The following CILK1 variants were observed in gnomAD, a reference collection of about 807,000 sequenced individuals.
CILK1 encodes the protein serine/threonine-protein kinase ICK.
In CILK1, 47 loss-of-function variants were observed where a neutral mutation model predicts 79.2. That is an observed-to-expected ratio of 0.59 (90% CI 0.47 to 0.76). The LOEUF (loss-of-function observed/expected upper bound fraction) is 0.76, where lower values mean the gene tolerates loss of function less well. Among genes scored for constraint, CILK1 ranks in the 30% least tolerant of loss-of-function variants. CILK1 has a pLI of 0.00. For missense variants in CILK1, 660 were observed against 769.5 expected (o/e 0.86, Z 1.68); for synonymous variants, 266 against 275.9 (o/e 0.96, Z 0.36).
chr6:53,041,381 T>C lies in CILK1; in HGVS notation c.-145A>G. 6.0e-6 allele frequency: 4 copies of C among 662,734 alleles called. No homozygotes were observed. The South Asian group carries it at 6.3e-5, about 10-fold the overall frequency. 41.1% of individuals were successfully genotyped at this position (662,734 alleles called of 1,614,324 possible). ...CAATAGGACGTGACTGTCTCCCAAA[T>C]ACATATTTCCAAAAATCAGTCTTCT... On this transcript the variant is annotated 5_prime_UTR_variant, in exon 2 of 14. Transcript: ENST00000676107.
intron 3 of CILK1, among the ~76,000 whole-genome samples, chr6:53,035,498 T>C (rs1431904826): frequency 1.3e-5 from 2 of 152,144 alleles, no homozygotes. Context: ...TGTAAGACTA[T>C]GCTTCTAAGA....
chr6:53,014,278 T>C (rs928200354), intron 8 of CILK1, among the ~76,000 whole-genome samples: 1 of 152,206 alleles, frequency 6.6e-6, no homozygotes, highest in African/African-American at 2.4e-5. Flanking sequence ...TGTAACTTAT[T>C]TGCTATGTGT....
At chr6:53,013,526 C>G (rs1002230996) in intron 9 of CILK1, 136 bp downstream of exon 9, 2 of 849,940 alleles carry the variant, frequency 2.4e-6, no homozygotes, top group Non-Finnish European at 3.8e-6. Flanking sequence ...AGGGTCTTTA[C>G]AATTCCATGC....
intron 1 of CILK1, among the ~76,000 whole-genome samples, 187 bp downstream of exon 1, chr6:53,061,409 C>T (rs1329204829): frequency 6.6e-6 from 1 of 152,232 alleles, no homozygotes; most frequent in Non-Finnish European, 1.5e-5. Context: ...CTCCAGGCTC[C>T]GAGTTTTCAT....
intron 5 of CILK1, among the ~76,000 whole-genome samples, chr6:53,028,507 T>C (rs1022723234): frequency 4.6e-5 from 7 of 152,214 alleles, no homozygotes; most frequent in Non-Finnish European, 8.8e-5. Context: ...TAGTTTCCTC[T>C]TTTTTGTAAA....
chr6:53,018,560 A>G (rs1456222330), intron 6 of CILK1, 59 bp from the exon 7 acceptor site: 3 of 1,516,924 alleles, frequency 2.0e-6, no homozygotes, highest in Non-Finnish European at 9.1e-7. Flanking sequence ...ATTAAATTAA[A>G]TAACAATCAG....
Position 53,009,551 on chromosome 6 carries a change from A to G in CILK1, c.1509T>C (p.Asn503=). The change falls in exon 12 of 14, where the codon AAT becomes AAC. Residue 503 remains asparagine (N), a synonymous_variant. Transcript: ENST00000676107. ...SRYLPGISIR[N]GILSNPGKEF... is the part of the protein sequence containing the mutation. ...CCTTGCCTGGATTCGAGAGTATGCC[A>G]TTTCTTATACTGATCCCTGATAGAG... 6.2e-7 allele frequency: 1 copy of G among 1,609,362 alleles called. No individual in the cohort carries two copies. The highest frequency in any genetic ancestry group is 8.5e-7 in the Non-Finnish European group (1 of 1,175,594).
intron 1 of CILK1, among the ~76,000 whole-genome samples, chr6:53,056,408 G>A (rs1337745336): frequency 1.3e-5 from 2 of 152,172 alleles, no homozygotes; most frequent in African/African-American, 4.8e-5. Flanking sequence ...CTCTGCCATT[G>A]TAGCATGAAA....
chr6:53,026,868 T>A (rs933219257), intron 5 of CILK1, among the ~76,000 whole-genome samples: 4 of 152,182 alleles, frequency 2.6e-5, no homozygotes, highest in African/African-American at 9.7e-5. Flanking sequence ...CACCCCTATA[T>A]GCCAGCTGAA....
chr6:53,019,552 C>T (rs181766812), intron 5 of CILK1, among the ~76,000 whole-genome samples, 193 bp from the exon 6 acceptor site: 142 of 152,330 alleles, frequency 9.3e-4, no homozygotes, highest in Admixed American at 1.8e-3. Context: ...ATTCATTTCC[C>T]TTTGCAAATC....
rs1384587821 is a variant in CILK1 at position 53,032,448 on chromosome 6, GAGAAAGAAAACACAAAAGC to G, written c.278+66_278+84del. 393 of 816,978 alleles carry G rather than the reference GAGAAAGAAAACACAAAAGC, an allele frequency of 4.8e-4. 2 individuals carry two copies. In the East Asian group the frequency reaches 0.014, roughly 28 times the overall value. 50.6% of individuals were successfully genotyped at this position (816,978 alleles called of 1,614,324 possible). A position where few individuals can be genotyped will look rare whatever the true frequency, so the allele number is the denominator to read the frequency against. On this transcript the variant is annotated intron_variant, in intron 4 of 13. Transcript: ENST00000676107. ...AAAAAATAAAAAAAGAAAAAAAGGA[GAGAAAGAAAACACAAAAGC>G]AGAAAGAAAACACATCTGCTTTGCC...
At chr6:53,018,242 C>T in intron 7 of CILK1, 88 bp downstream of exon 7, 1 of 1,275,840 alleles carries the variant, frequency 7.8e-7, no homozygotes, top group Non-Finnish European at 1.1e-6. Flanking sequence ...GGCAGGTGCT[C>T]AATCATGCCA....
intron 8 of CILK1, 145 bp downstream of exon 8, chr6:53,015,938 G>A (rs1581960093): frequency 1.2e-6 from 1 of 802,470 alleles, no homozygotes; most frequent in East Asian, 2.7e-5. Context: ...ACTATTTTAA[G>A]TTCTCATACC....
chr6:53,046,788 C>T (rs1312562180), intron 1 of CILK1, among the ~76,000 whole-genome samples: 1 of 152,174 alleles, frequency 6.6e-6, no homozygotes, highest in African/African-American at 2.4e-5. Context: ...TCACTCACAA[C>T]TGACAGATAC....
At chr6:53,044,559 A>T (rs997781423) in intron 1 of CILK1, among the ~76,000 whole-genome samples, 3 of 152,180 alleles carry the variant, frequency 2.0e-5, no homozygotes, top group Non-Finnish European at 4.4e-5. Flanking sequence ...GTAGAACAAA[A>T]ATTTTGTGTG....
At chr6:53,019,999 G>A (rs1452720692) in intron 5 of CILK1, among the ~76,000 whole-genome samples, 1 of 152,058 alleles carries the variant, frequency 6.6e-6, no homozygotes, top group Admixed American at 6.6e-5. Context: ...GGAATTGAGA[G>A]TTTATACCAC....
intron 3 of CILK1, among the ~76,000 whole-genome samples, chr6:53,033,751 G>C (rs951596318): frequency 3.3e-5 from 5 of 152,150 alleles, no homozygotes; most frequent in African/African-American, 9.7e-5. Context: ...TCCTCATCTA[G>C]AAGAAAACTC....
At chr6:53,048,532 G>A (rs1004271009) in intron 1 of CILK1, among the ~76,000 whole-genome samples, 7 of 152,234 alleles carry the variant, frequency 4.6e-5, no homozygotes, top group Non-Finnish European at 7.3e-5. Flanking sequence ...AAATACATTT[G>A]AGAATGGTAT....
intron 5 of CILK1, among the ~76,000 whole-genome samples, chr6:53,025,837 G>A (rs941036094): frequency 1.3e-5 from 2 of 152,208 alleles, no homozygotes; most frequent in African/African-American, 4.8e-5. Flanking sequence ...ACAATGGGCT[G>A]TTATTAGCCT....
Sources: allele counts gnomAD v4.1 joint callset (sites outside exome capture counted in the v4.1 genomes callset), GRCh38; gene constraint gnomAD v4.1.1; transcripts MANE v1.5; gene names NCBI Gene and HGNC (gene_info 2026-07-23, HGNC 2026-07-21).